Variants in VSTM2A observed in about 807,000 individuals in gnomAD.
VSTM2A encodes V-set and transmembrane domain-containing protein 2A.
Under a neutral mutation model 27.3 loss-of-function variants are expected in VSTM2A, and 13 were observed. That is an observed-to-expected ratio of 0.48 (90% CI 0.31 to 0.76). The LOEUF (loss-of-function observed/expected upper bound fraction) is 0.76, where lower values mean the gene tolerates loss of function less well. Ranked by LOEUF, VSTM2A falls within the 30% of genes least tolerant of loss-of-function variation. VSTM2A has a pLI of 0.05. For synonymous variants in VSTM2A, 142 were observed against 125.7 expected (o/e 1.13, Z -0.87); for missense variants, 280 against 310.0 (o/e 0.90, Z 0.73).
chr7:54,557,608 G>A (rs755618931), intron 4 of VSTM2A, among the ~76,000 whole-genome samples: 5 of 152,012 alleles, frequency 3.3e-5, no homozygotes, highest in Non-Finnish European at 7.4e-5. Flanking sequence ...TGCTGAGATT[G>A]CAGGCATGAG....
In VSTM2A at chr7:54,570,267, C is replaced by T. The variant is rs1788850955; in HGVS notation, c.*1048C>T. 6.6e-6 allele frequency: 1 copy of T among 152,102 alleles called. No homozygotes were observed. Among genetic ancestry groups the T allele is most frequent in the Non-Finnish European group, 1.5e-5 (1 of 68,012 alleles). 9.4% of individuals were successfully genotyped at this position (152,102 alleles called of 1,614,324 possible). On this transcript the variant is annotated 3_prime_UTR_variant, in exon 5 of 5. Coordinates refer to ENST00000402613, the MANE Select transcript of VSTM2A (RefSeq NM_001301009.2). ...TTGACAGCTATTTCTGTATTATTAT[C>T]ATTATAATCTTGTCAAATAGAAATG...
rs1383757653 is a variant in VSTM2A at position 54,544,770 on chromosome 7, C to T, written c.228C>T (p.Ala76=). The change falls in exon 2 of 5, where the codon GCC becomes GCT. Residue 76 remains alanine (A), a synonymous_variant. Transcript: ENST00000402613. ...GGCCGGAGGACCTGGATCCCGGGGC[C>T]GAGGGGGCCGGCGCGCAGGTAGCGG... ...LRGPEDLDPG[A]EGAGAQVELL... is the part of the protein sequence containing the mutation. The T allele has an allele frequency of 6.2e-7, 1 of 1,609,310 alleles. No homozygotes were observed. The highest frequency in any genetic ancestry group is 8.5e-7 in the Non-Finnish European group (1 of 1,178,262).
intron 4 of VSTM2A, among the ~76,000 whole-genome samples, chr7:54,557,450 C>T (rs966319805): frequency 2.0e-5 from 3 of 152,040 alleles, no homozygotes; most frequent in African/African-American, 7.2e-5. Context: ...TCTCCTGCCT[C>T]AGCCTCCTGA....
At chr7:54,557,886 G>T (rs1788422650) in intron 4 of VSTM2A, 1 of 152,090 alleles carries the variant, frequency 6.6e-6, no homozygotes, top group African/African-American at 2.4e-5. Flanking sequence ...GGAAGTGATG[G>T]GTTGAGGAAG....
chr7:54,569,987 TTTTCGTTGATAA>T lies in VSTM2A; in HGVS notation c.*771_*782del, dbSNP rs1310536876. The T allele has an allele frequency of 6.6e-6, 1 of 152,144 alleles. No homozygotes were observed. Among genetic ancestry groups the T allele is most frequent in the Non-Finnish European group, 1.5e-5 (1 of 68,024 alleles). The allele number at this position is 152,144 out of a possible 1,614,324, so 9.4% of individuals were successfully genotyped here. Reference sequence around the variant, plus strand: ...CAACTTTTTTTGACGAAGCATTTGTTTTTCGTTGATAATTCATACACTGCGTGAATTTTGTAA... The same window carrying T: ...CAACTTTTTTTGACGAAGCATTTGTTTTCATACACTGCGTGAATTTTGTAA... On this transcript the variant is annotated 3_prime_UTR_variant, in exon 5 of 5. Transcript: ENST00000402613.
chr7:54,546,760 G>GATAT, intron 2 of VSTM2A, 187 bp from the exon 3 acceptor site: 5 of 589,546 alleles, frequency 8.5e-6, no homozygotes, highest in South Asian at 2.2e-5. Context: ...GACAGCGTGG[G>GATAT]GTATGCCAGG....
At chr7:54,565,991 T>C (rs1032959528) in intron 4 of VSTM2A, among the ~76,000 whole-genome samples, 3 of 152,182 alleles carry the variant, frequency 2.0e-5, no homozygotes, top group African/African-American at 7.2e-5. Context: ...TCTGCCCTGC[T>C]TAGACTTCTA....
chr7:54,546,692 C>A (rs1302794823), intron 2 of VSTM2A: 1 of 439,866 alleles, frequency 2.3e-6, no homozygotes, highest in East Asian at 3.7e-5. Flanking sequence ...GGGACAGCGC[C>A]GGGACAGCCC....
In VSTM2A at chr7:54,563,654, C is replaced by T. The variant is rs112106547; in HGVS notation, c.635-5477C>T. ...TCTGGTGAATGGAGTGGCACCCATG[C>T]ACCCTGTCCTGTAGACCTGCGTTCG... On this transcript the variant is annotated intron_variant, in intron 4 of 4. Coordinates refer to ENST00000402613, the MANE Select transcript of VSTM2A (RefSeq NM_001301009.2). 3.0e-3 allele frequency among the ~76,000 whole-genome samples: 463 copies of T among 152,254 alleles called. 2 individuals carry two copies. The highest frequency in any genetic ancestry group is 0.01 in the African/African-American group (421 of 41,540).
intron 4 of VSTM2A, among the ~76,000 whole-genome samples, chr7:54,565,454 A>G (rs1788691994): frequency 6.6e-6 from 1 of 152,226 alleles, no homozygotes; most frequent in Non-Finnish European, 1.5e-5. Context: ...CAGCCTGATG[A>G]CTGCAGATGC....
chr7:54,546,784 C>T (rs937771852), intron 2 of VSTM2A, 163 bp from the exon 3 acceptor site: 7 of 690,136 alleles, frequency 1.0e-5, no homozygotes, highest in Non-Finnish European at 1.6e-5. Context: ...AGCGTGGGGG[C>T]GGTGCGGTCT....
chr7:54,544,740 G>A lies in VSTM2A; in HGVS notation c.198G>A (p.Leu66=). 1 of 1,612,436 alleles carries A rather than the reference G, an allele frequency of 6.2e-7. No individual in the cohort carries two copies. The highest frequency in any genetic ancestry group is 8.5e-7 in the Non-Finnish European group (1 of 1,179,772). Residue 66 remains leucine, a synonymous_variant, in exon 2 of 5, where the codon CTG becomes CTA. Transcript: ENST00000402613. ...SVYLEIQWWF[L]RGPEDLDPGA... is the part of the protein sequence containing the mutation. ...ATCTGGAGATCCAATGGTGGTTCCT[G>A]CGGGGGCCGGAGGACCTGGATCCCG...
At chr7:54,546,732 GGCGTGGGGTATGCCAGGGACA>G (rs1233186822) in intron 2 of VSTM2A, 194 bp from the exon 3 acceptor site, 120 of 526,154 alleles carry the variant, frequency 2.3e-4, no homozygotes, top group Admixed American at 1.2e-3. Flanking sequence ...GCGCGGGGAC[GGCGTGGGGTATGCCAGGGACA>G]GCGTGGGGTA....
chr7:54,548,044 G>A (rs1788059555), intron 3 of VSTM2A, among the ~76,000 whole-genome samples: 1 of 152,094 alleles, frequency 6.6e-6, no homozygotes, highest in South Asian at 2.1e-4. Flanking sequence ...CACAGAAACT[G>A]TTGTTTTCCT....
intron 4 of VSTM2A, among the ~76,000 whole-genome samples, chr7:54,562,502 A>G (rs1327396387): frequency 1.3e-5 from 2 of 152,180 alleles, no homozygotes; most frequent in Non-Finnish European, 2.9e-5. Flanking sequence ...TATTTCACCA[A>G]CTGATGAGCG....
intron 4 of VSTM2A, chr7:54,557,320 C>CTTTTTT: frequency 7.4e-6 from 1 of 135,038 alleles, no homozygotes; most frequent in Non-Finnish European, 1.6e-5. Context: ...TCATTTCTTT[C>CTTTTTT]TTTTTTTTTT....
At chr7:54,545,894 G>A (rs553917665) in intron 2 of VSTM2A, among the ~76,000 whole-genome samples, 2 of 118,818 alleles carry the variant, frequency 1.7e-5, no homozygotes, top group East Asian at 5.8e-4. Context: ...AGGGTAGAGG[G>A]AGAAAGAATG....
In VSTM2A at chr7:54,569,255, A is replaced by G; in HGVS notation, c.*36A>G. 6.4e-7 allele frequency: 1 copy of G among 1,551,150 alleles called. No individual in the cohort carries two copies. Among genetic ancestry groups the G allele is most frequent in the East Asian group, 2.4e-5 (1 of 40,928 alleles). On this transcript the variant is annotated 3_prime_UTR_variant, in exon 5 of 5. Coordinates refer to ENST00000402613, the MANE Select transcript of VSTM2A (RefSeq NM_001301009.2). ...AAGGAGCGCCTGCTTCCGGAAGCATAAATGAAGAGGCTATCACATGCTTTG... is the reference window on the plus strand; with the variant it reads ...AAGGAGCGCCTGCTTCCGGAAGCATGAATGAAGAGGCTATCACATGCTTTG...
At chr7:54,543,783 C>T (rs1374814239) in intron 1 of VSTM2A, among the ~76,000 whole-genome samples, 1 of 152,134 alleles carries the variant, frequency 6.6e-6, no homozygotes, top group Non-Finnish European at 1.5e-5. Context: ...AAGATAAGAA[C>T]AACCACGTTG....
Sources: allele counts gnomAD v4.1 joint callset (sites outside exome capture counted in the v4.1 genomes callset), GRCh38; gene constraint gnomAD v4.1.1; transcripts MANE v1.5; gene names NCBI Gene and HGNC (gene_info 2026-07-23, HGNC 2026-07-21).